The following SERPINA12 variants were observed in gnomAD, a reference collection of about 807,000 sequenced individuals.
SERPINA12 encodes the protein serpin family A member 12, also known as serpin A12.
In SERPINA12, 21 loss-of-function variants were observed where a neutral mutation model predicts 25.9. That is an observed-to-expected ratio of 0.81 (90% CI 0.58 to 1.17). The LOEUF (loss-of-function observed/expected upper bound fraction) is 1.17, where lower values mean the gene tolerates loss of function less well. SERPINA12 is among the 50% of genes most tolerant of loss of function. The probability of loss-of-function intolerance (pLI) is 0.00; values close to 1 mark genes in which losing one functional copy is unlikely to be tolerated. For synonymous variants in SERPINA12, 220 were observed against 196.0 expected, an observed-to-expected ratio of 1.12 and a Z score of -1.02; for missense variants, 562 against 508.3, an observed-to-expected ratio of 1.11 and a Z score of -1.02.
chr14:94,502,765 T>C (rs1900782779), intron 1 of SERPINA12, among the ~76,000 whole-genome samples: 4 of 152,240 alleles, frequency 2.6e-5, no homozygotes, highest in Admixed American at 2.6e-4. Flanking sequence ...CAAGTTCCCA[T>C]GTCTTGAGAA....
At chr14:94,510,238 T>A, upstream of SERPINA12, 2 of 985,404 alleles carry the variant, frequency 2.0e-6, no homozygotes, top group Non-Finnish European at 2.4e-6. Flanking sequence ...ATGCTGTCAA[T>A]CAATTTCACT....
intron 4 of SERPINA12, among the ~76,000 whole-genome samples, chr14:94,487,744 T>C (rs1442884118): frequency 1.3e-5 from 2 of 151,842 alleles, no homozygotes; most frequent in Admixed American, 6.6e-5. Context: ...GGGGGAGAGA[T>C]GGAGTGGGGT....
chr14:94,508,325 G>T (rs1033152744), intron 1 of SERPINA12, among the ~76,000 whole-genome samples: 7 of 152,134 alleles, frequency 4.6e-5, no homozygotes, highest in African/African-American at 1.7e-4. Flanking sequence ...AAAGCTTCTA[G>T]TACAAAATGT....
intron 1 of SERPINA12, among the ~76,000 whole-genome samples, chr14:94,516,414 C>T (rs540666108): frequency 2.2e-4 from 33 of 152,244 alleles, no homozygotes; most frequent in African/African-American, 5.5e-4. Flanking sequence ...AGGAAGGGGC[C>T]GGTGTTCCTC....
intron 3 of SERPINA12, among the ~76,000 whole-genome samples, chr14:94,491,110 T>C (rs1304478153): frequency 6.6e-6 from 1 of 152,224 alleles, no homozygotes; most frequent in Non-Finnish European, 1.5e-5. Flanking sequence ...CTCTACTGTA[T>C]ACCAGGTGCT....
intron 3 of SERPINA12, among the ~76,000 whole-genome samples, chr14:94,490,080 G>A (rs961163731): frequency 2.0e-5 from 3 of 152,066 alleles, no homozygotes; most frequent in Admixed American, 6.5e-5. Context: ...CACTGTAGTC[G>A]CTGCCATGCC....
At chr14:94,504,531 G>T (rs1900864578) in intron 1 of SERPINA12, among the ~76,000 whole-genome samples, 1 of 152,242 alleles carries the variant, frequency 6.6e-6, no homozygotes, top group African/African-American at 2.4e-5. Flanking sequence ...GCTTCTTGGG[G>T]TCATTCCCAT....
rs147485292 is a variant in SERPINA12 at position 94,506,137 on chromosome 14, G to A, written c.-34+3205C>T. 9.1e-4 allele frequency among the ~76,000 whole-genome samples: 139 copies of A among 152,318 alleles called. 1 individual carries two copies. The highest frequency in any genetic ancestry group is 3.1e-3 in the African/African-American group (127 of 41,560). On this transcript the variant is annotated intron_variant, in intron 1 of 4. Coordinates refer to ENST00000677451, the MANE Select transcript of SERPINA12 (RefSeq NM_001382267.1). Reference sequence around the variant, plus strand: ...CTAGAAGGATGAAGGAGATTGTCCAGCCTGGGAAGATTATTGTTATAAGTT... The same window carrying A: ...CTAGAAGGATGAAGGAGATTGTCCAACCTGGGAAGATTATTGTTATAAGTT...
chr14:94,512,073 G>T (rs981208189), upstream of SERPINA12, among the ~76,000 whole-genome samples: 6 of 152,014 alleles, frequency 3.9e-5, no homozygotes, highest in African/African-American at 1.4e-4. Context: ...ACTTCAGCCT[G>T]GGTGACAGTG....
chr14:94,497,410 C>A (rs1900480098), intron 2 of SERPINA12, among the ~76,000 whole-genome samples: 1 of 152,170 alleles, frequency 6.6e-6, no homozygotes, highest in South Asian at 2.1e-4. Flanking sequence ...CAATGATGGG[C>A]TTTGTAACTT....
intron 3 of SERPINA12, among the ~76,000 whole-genome samples, chr14:94,493,413 T>G (rs1420792233): frequency 6.6e-6 from 1 of 152,200 alleles, no homozygotes; most frequent in Non-Finnish European, 1.5e-5. Context: ...GAGAGGAACC[T>G]TCCTTTCTAT....
chr14:94,505,676 C>T (rs777252695), intron 1 of SERPINA12, among the ~76,000 whole-genome samples: 2 of 152,172 alleles, frequency 1.3e-5, no homozygotes, highest in African/African-American at 2.4e-5. Context: ...CCTCTAATGA[C>T]AGGGTGAGGC....
upstream of SERPINA12, among the ~76,000 whole-genome samples, chr14:94,511,166 T>C (rs922610760): frequency 1.3e-5 from 2 of 152,158 alleles, no homozygotes; most frequent in African/African-American, 4.8e-5. Flanking sequence ...TAATTTAATG[T>C]TTTTCTGCAT....
rs560081447 is a variant in SERPINA12 at position 94,501,842 on chromosome 14, G to A, written c.-33-3412C>T. Among the ~76,000 whole-genome samples the A allele has an allele frequency of 3.9e-5, 6 of 152,148 alleles. No homozygotes were observed. In the East Asian group the frequency reaches 5.8e-4, roughly 15 times the overall value. ...AAACAGCCAACACCAGCCCCATTCC[G>A]GGCCTTTCCATCTGTCATCACGGGC... On this transcript the variant is annotated intron_variant, in intron 1 of 4. Transcript: ENST00000677451.
intron 1 of SERPINA12, among the ~76,000 whole-genome samples, chr14:94,504,655 T>C (rs1041487889): frequency 1.3e-5 from 2 of 152,214 alleles, no homozygotes; most frequent in Non-Finnish European, 2.9e-5. Context: ...ACTAAATGCG[T>C]AGATTCCGTT....
chr14:94,511,847 T>C (rs916027252), upstream of SERPINA12: 14 of 475,466 alleles, frequency 2.9e-5, no homozygotes, highest in Admixed American at 7.7e-4. Context: ...CCTGTACTCC[T>C]AGCACTTTGG....
intron 1 of SERPINA12, among the ~76,000 whole-genome samples, chr14:94,507,736 G>C (rs1182938873): frequency 1.3e-5 from 2 of 152,222 alleles, no homozygotes; most frequent in East Asian, 3.8e-4. Context: ...TATTGCGGGT[G>C]GGTGTGCAAA....
upstream of SERPINA12, chr14:94,510,234 T>C: frequency 1.0e-6 from 1 of 985,410 alleles, no homozygotes; most frequent in Non-Finnish European, 1.2e-6. Context: ...AGTCATGCTG[T>C]CAATCAATTT....
intron 1 of SERPINA12, among the ~76,000 whole-genome samples, chr14:94,499,079 A>C (rs1461076889): frequency 6.6e-6 from 1 of 152,114 alleles, no homozygotes; most frequent in Non-Finnish European, 1.5e-5. Context: ...AAGCCAATAA[A>C]TTTCCCTTTT....
Sources: gnomAD v4.1 joint callset for allele counts (sites outside exome capture counted in the v4.1 genomes callset) on GRCh38, gnomAD v4.1.1 for gene constraint, MANE v1.5 for transcripts, NCBI Gene and HGNC (gene_info 2026-07-23, HGNC 2026-07-21) for gene names.